Variants in OTOG observed in about 807,000 individuals in gnomAD.
The protein encoded by OTOG is otogelin.
Under a neutral mutation model 313.8 loss-of-function variants are expected in OTOG, and 296 were observed. That is an observed-to-expected ratio of 0.94 (90% confidence interval 0.86 to 1.04). OTOG has a LOEUF of 1.04. OTOG is among the 50% of genes least tolerant of loss of function. OTOG has a pLI of 0.00. For missense variants in OTOG, 3,948 were observed against 3,840.1 expected, an observed-to-expected ratio of 1.03 and a Z score of -0.74; for synonymous variants, 1,533 against 1,554.9, an observed-to-expected ratio of 0.99 and a Z score of 0.33.
At chr11:17,559,294 A>G in intron 11 of OTOG, 133 bp downstream of exon 11, 1 of 946,358 alleles carries the variant, frequency 1.1e-6, no homozygotes, top group Admixed American at 2.8e-5. Flanking sequence ...TATCGCCATG[A>G]GAAAGACGAA....
chr11:17,578,424 C>T lies in OTOG; in HGVS notation c.2657C>T (p.Thr886Met), dbSNP rs113688475. 281 of 1,540,972 alleles carry T rather than the reference C, an allele frequency of 1.8e-4. No individual in the cohort carries two copies. In the African/African-American group the frequency reaches 2.8e-3, roughly 15 times the overall value. Residue 886 changes from threonine (T) to methionine (M), a missense_variant, in exon 23 of 56, where the codon ACG becomes ATG. By Grantham distance (81) the Thr-to-Met change is moderately conservative (BLOSUM62 -1). Coordinates refer to ENST00000399397, the MANE Select transcript of OTOG (RefSeq NM_001292063.2). ...QVFVNCSDLH[T>M]DLELSRERTC... ...TTCGTGAACTGCAGCGACCTGCACA[C>T]GGACCTGGAGCTGAGCAGGGAGAGG...
rs975984000 is a variant in OTOG, at chr11:17,615,817, A to G, written c.6528+2116A>G. On this transcript the variant is annotated intron_variant, in intron 39 of 55. Transcript: ENST00000399397. ...GTGGCACGCACCTATAATCCCAGCTACTCGGGAGGCTGAGGCAGGAAAATC... is the reference window on the plus strand; with the variant it reads ...GTGGCACGCACCTATAATCCCAGCTGCTCGGGAGGCTGAGGCAGGAAAATC... Among the ~76,000 whole-genome samples the G allele has an allele frequency of 3.9e-5, 6 of 152,210 alleles. No individual in the cohort carries two copies. In the East Asian group the frequency reaches 7.7e-4, roughly 20 times the overall value.
At chr11:17,585,401 T>C (rs977878948) in intron 23 of OTOG, among the ~76,000 whole-genome samples, 2 of 152,236 alleles carry the variant, frequency 1.3e-5, no homozygotes, top group Admixed American at 6.5e-5. Flanking sequence ...GTCCCCCTTT[T>C]TATCATTCAG....
intron 24 of OTOG, among the ~76,000 whole-genome samples, chr11:17,590,409 C>T (rs1299966434): frequency 6.6e-6 from 1 of 152,212 alleles, no homozygotes; most frequent in Non-Finnish European, 1.5e-5. Flanking sequence ...CTGCAAATCC[C>T]TTTGGTTCTA....
At chr11:17,573,720 A>C (rs1351973396) in intron 19 of OTOG, among the ~76,000 whole-genome samples, 3 of 152,220 alleles carry the variant, frequency 2.0e-5, no homozygotes, top group Non-Finnish European at 4.4e-5. Flanking sequence ...ACCCTGGGCT[A>C]TGCTCCTTCC....
chr11:17,555,207 A>ATGTGTG (rs57148062), intron 6 of OTOG, among the ~76,000 whole-genome samples: 1,905 of 141,224 alleles, frequency 0.013, 38 homozygotes, highest in African/African-American at 0.046. Context: ...GGGGGCAGAG[A>ATGTGTG]TGTGTGTGTG....
intron 7 of OTOG, among the ~76,000 whole-genome samples, chr11:17,556,408 C>T (rs1852059011): frequency 6.6e-6 from 1 of 152,170 alleles, no homozygotes; most frequent in African/African-American, 2.4e-5. Flanking sequence ...GAAATCTTTC[C>T]TGCATCTCTT....
rs1268007188 is a variant in OTOG at position 17,602,263 on chromosome 11, G to C, written c.3763G>C (p.Val1255Leu). Reference sequence around the variant, plus strand: ...CAGCTTGGCAGCCGGTGGTGCTCTGGTGGGCATGAAGGCGGTGGGCGATGA... The same window carrying C: ...CAGCTTGGCAGCCGGTGGTGCTCTGCTGGGCATGAAGGCGGTGGGCGATGA... ...LSSLAAGGAL[V>L]GMKAVGDDIV... Residue 1255 changes from valine to leucine, a missense_variant, in exon 32 of 56, where the codon GTG (valine) becomes CTG (leucine). Physicochemically the swap from Val to Leu is conservative, Grantham distance 32. Transcript: ENST00000399397. 3.4e-5 allele frequency: 52 copies of C among 1,550,492 alleles called. 1 individual carries two copies. Among genetic ancestry groups the C allele is most frequent in the Non-Finnish European group, 4.2e-5 (48 of 1,146,978 alleles).
At chr11:17,604,600 C>A (rs913699555) in intron 32 of OTOG, among the ~76,000 whole-genome samples, 1 of 152,230 alleles carries the variant, frequency 6.6e-6, no homozygotes, top group Admixed American at 6.5e-5. Context: ...ATATCACCAC[C>A]TTTTAACCTC....
chr11:17,552,050 C>G lies in OTOG; in HGVS notation c.267C>G (p.Leu89=). Residue 89 remains leucine (L), a synonymous_variant, in exon 4 of 56, where the codon CTC becomes CTG. Coordinates refer to ENST00000399397, the MANE Select transcript of OTOG (RefSeq NM_001292063.2). ...CCATGTCTTCCTGGGAAAGGCGGCT[C>G]CATCGGGCCAAGTGTGCACCATCCT... ...SVAMSSWERR[L]HRAKCAPSYL... The G allele has an allele frequency of 6.4e-7, 1 of 1,550,544 alleles. No individual in the cohort carries two copies. Among genetic ancestry groups the G allele is most frequent in the Non-Finnish European group, 8.7e-7 (1 of 1,146,928 alleles).
intron 39 of OTOG, among the ~76,000 whole-genome samples, chr11:17,623,495 G>A (rs948032349): frequency 2.6e-5 from 4 of 152,146 alleles, no homozygotes; most frequent in African/African-American, 9.7e-5. Flanking sequence ...TTTTATGGCT[G>A]CATAGTATTC....
At chr11:17,583,579 C>A (rs1036227842) in intron 23 of OTOG, among the ~76,000 whole-genome samples, 1 of 152,078 alleles carries the variant, frequency 6.6e-6, no homozygotes, top group Non-Finnish European at 1.5e-5. Flanking sequence ...AAAACACTTT[C>A]TTCTCCCCAT....
At position 17,557,202 on chromosome 11, in the gene OTOG, A is replaced by G. The variant is rs982570627; in HGVS notation, c.744A>G (p.Thr248=). Residue 248 remains threonine (T), a synonymous_variant, in exon 8 of 56, where the codon ACA becomes ACG. Transcript: ENST00000399397. ...YVIVRHQSAF[T]LAWDGASAVY... ...TCGTGCGGCATCAGTCAGCCTTCAC[A>G]CTGGCCTGGGATGGTGCCTCGGCTG... The G allele has an allele frequency of 6.4e-7, 1 of 1,550,622 alleles. No homozygotes were observed. The highest frequency in any genetic ancestry group is 8.7e-7 in the Non-Finnish European group (1 of 1,147,014).
chr11:17,572,616 T>C (rs1436196136), intron 18 of OTOG, among the ~76,000 whole-genome samples: 3 of 152,210 alleles, frequency 2.0e-5, no homozygotes, highest in African/African-American at 7.2e-5. Context: ...CACTTGGCAG[T>C]TGCCTGGAAT....
chr11:17,564,549 AACTG>A, intron 15 of OTOG, among the ~76,000 whole-genome samples: 4 of 152,364 alleles, frequency 2.6e-5, no homozygotes, highest in African/African-American at 9.6e-5. Context: ...AGGACTTGGC[AACTG>A]ACTGACTGTG....
Position 17,645,904 on chromosome 11 carries a change from C to T in OTOG, c.8702C>T (p.Thr2901Ile). Residue 2901 changes from threonine (T) to isoleucine (I), a missense_variant, in exon 56 of 56, where the codon ACA (threonine) becomes ATA (isoleucine). Physicochemically the swap from Thr to Ile is moderately conservative, Grantham distance 89. Transcript: ENST00000399397. ...CATNATWVPY[T>I]VQEPTDCACQ... The stretch of plus-strand genomic sequence containing the variant: ...ACCAATGCCACCTGGGTGCCCTATA[C>T]AGTGCAGGAGCCCACCGACTGTGCC... The T allele has an allele frequency of 6.5e-7, 1 of 1,550,352 alleles. No homozygotes were observed. The highest frequency in any genetic ancestry group is 8.7e-7 in the Non-Finnish European group (1 of 1,147,006).
In OTOG at chr11:17,574,705, C is replaced by T; in HGVS notation, c.2294-15C>T. On this transcript the variant is annotated splice_polypyrimidine_tract_variant and intron_variant, in intron 19 of 55. Transcript: ENST00000399397. ...TGAGGGAGACAAAGCATGCACCACT[C>T]CCCCCTCACTGCAGCACTGTCCTGT... 6.5e-7 allele frequency: 1 copy of T among 1,545,334 alleles called. No homozygotes were observed. Among genetic ancestry groups the T allele is most frequent in the Non-Finnish European group, 8.7e-7 (1 of 1,143,976 alleles).
At chr11:17,550,783 G>C (rs79072464) in intron 3 of OTOG, among the ~76,000 whole-genome samples, 3,197 of 152,316 alleles carry the variant, frequency 0.021, 130 homozygotes, top group African/African-American at 0.073. Context: ...TGGGGCTGGG[G>C]CTGGGTCGAC....
At chr11:17,643,543 T>G in intron 54 of OTOG, 37 bp downstream of exon 54, 19 of 1,068,118 alleles carry the variant, frequency 1.8e-5, no homozygotes, top group Non-Finnish European at 2.3e-5. Flanking sequence ...GGTGGGGGGC[T>G]CTGATGGGGG....
Sources: gnomAD v4.1 joint callset for allele counts (sites outside exome capture counted in the v4.1 genomes callset) on GRCh38, gnomAD v4.1.1 for gene constraint, MANE v1.5 for transcripts, NCBI Gene and HGNC (gene_info 2026-07-23, HGNC 2026-07-21) for gene names.